PLEKHA6: variants seen among roughly 807,000 people sequenced by gnomAD.
PLEKHA6 encodes the protein pleckstrin homology domain containing A6.
In PLEKHA6, 60 loss-of-function variants were observed where a neutral mutation model predicts 116.7. The observed-to-expected ratio is 0.51, with a 90% confidence interval of 0.42 to 0.64. The LOEUF is 0.64. Among genes scored for constraint, PLEKHA6 ranks in the 30% least tolerant of loss-of-function variants. The probability of loss-of-function intolerance (pLI) is 0.00; values close to 1 mark genes in which losing one functional copy is unlikely to be tolerated. For synonymous variants in PLEKHA6, 489 were observed against 556.1 expected, an observed-to-expected ratio of 0.88 and a Z score of 1.70; for missense variants, 1,338 against 1,422.7, an observed-to-expected ratio of 0.94 and a Z score of 0.96.
Position 204,257,613 on chromosome 1 carries a change from C to A in PLEKHA6, c.1264G>T (p.Val422Phe), listed in dbSNP as rs369971657. ...PASYGRQDATVWIPSPSRQPV... is the reference protein window; with the variant it reads ...PASYGRQDATFWIPSPSRQPV... ...TGCCGGGAGGGGCTTGGGATCCAGA[C>A]GGTGGCATCCTGCCGCCCGTAGCTG... Residue 422 changes from valine to phenylalanine, a missense_variant, in exon 9 of 23, where the codon GTC (valine) becomes TTC (phenylalanine). Around this residue, in one of 3 missense-constraint regions of PLEKHA6, gnomAD observed 1,136 missense variants for 1,163.6 expected, o/e 0.98. Coordinates refer to ENST00000272203, the MANE Select transcript of PLEKHA6 (RefSeq NM_014935.5). This position sits in a 1 kb window ranked among gnomAD's most constrained non-coding sequence, Gnocchi z 6.5. 3 of 1,609,210 alleles carry A rather than the reference C, an allele frequency of 1.9e-6. No individual in the cohort carries two copies. Among genetic ancestry groups the A allele is most frequent in the Non-Finnish European group, 2.5e-6 (3 of 1,178,244 alleles).
Position 204,228,451 on chromosome 1 carries a change from C to T in PLEKHA6, c.2886-223G>A, listed in dbSNP as rs1660686201. Among the ~76,000 whole-genome samples the T allele has an allele frequency of 6.6e-6, 1 of 152,090 alleles. No homozygotes were observed. Among genetic ancestry groups the T allele is most frequent in the Admixed American group, 6.5e-5 (1 of 15,278 alleles). The stretch of plus-strand genomic sequence containing the variant: ...AAATGAATTAAAAGGTTCAAGTGAG[C>T]ATTTAGGGCAGCCTTGAAGGGGAAA... On this transcript the variant is annotated intron_variant, in intron 20 of 22. Coordinates refer to ENST00000272203, the MANE Select transcript of PLEKHA6 (RefSeq NM_014935.5). The surrounding 1 kb of genome is among the most constrained non-coding windows in gnomAD (Gnocchi z 4.0).
chr1:204,361,801 CT>C (rs1673566134), upstream of PLEKHA6, among the ~76,000 whole-genome samples: 1 of 152,194 alleles, frequency 6.6e-6, no homozygotes, highest in African/African-American at 2.4e-5. Flanking sequence ...ATGAGGGGCT[CT>C]TGGGGGTCTC....
intron 8 of PLEKHA6, among the ~76,000 whole-genome samples, chr1:204,258,303 C>T (rs1391341349): frequency 2.6e-5 from 4 of 152,164 alleles, no homozygotes; most frequent in Non-Finnish European, 4.4e-5. Context: ...TCCATTCTGT[C>T]ACCAGCCTGG....
intron 7 of PLEKHA6, among the ~76,000 whole-genome samples, chr1:204,260,302 A>T (rs1362369665): frequency 6.6e-6 from 1 of 152,186 alleles, no homozygotes; most frequent in Non-Finnish European, 1.5e-5. Flanking sequence ...CATGGCGGGC[A>T]CCAGGAGCAG....
intron 9 of PLEKHA6, among the ~76,000 whole-genome samples, chr1:204,255,092 T>C (rs1018198985): frequency 6.6e-6 from 1 of 152,208 alleles, no homozygotes; most frequent in Middle Eastern, 3.2e-3. Flanking sequence ...ACGAGCTGTT[T>C]ATGCAAAAGG....
intron 1 of PLEKHA6, chr1:204,280,225 G>T: frequency 1.3e-6 from 1 of 777,390 alleles, no homozygotes. Context: ...AGATAACTCT[G>T]CATTGCTTCA....
At chr1:204,300,155 T>A (rs527745865) in intron 1 of PLEKHA6, among the ~76,000 whole-genome samples, 27 of 152,296 alleles carry the variant, frequency 1.8e-4, no homozygotes, top group African/African-American at 6.5e-4. Context: ...CAGATTGAAT[T>A]AGTGCTTCCT....
At chr1:204,367,819 T>C (rs977973342) in exon 3 of PLEKHA6, 10 of 152,208 alleles carry the variant, frequency 6.6e-5, no homozygotes, top group African/African-American at 2.4e-4. Context: ...ACACAGCTCC[T>C]TCCTGGGTGG....
chr1:204,362,464 G>T (rs996014219), upstream of PLEKHA6, among the ~76,000 whole-genome samples: 2 of 152,016 alleles, frequency 1.3e-5, no homozygotes, highest in East Asian at 3.9e-4. Context: ...CACCTTTCTG[G>T]TGCCATCCCC....
At chr1:204,305,592 T>G (rs935338535) in intron 1 of PLEKHA6, among the ~76,000 whole-genome samples, 1 of 151,894 alleles carries the variant, frequency 6.6e-6, no homozygotes, top group African/African-American at 2.4e-5. Context: ...AGAATGGGAG[T>G]GTGGGTATGA....
At chr1:204,236,624 G>T (rs1429314683) in intron 17 of PLEKHA6, among the ~76,000 whole-genome samples, 2 of 152,166 alleles carry the variant, frequency 1.3e-5, no homozygotes, top group East Asian at 3.8e-4. Context: ...TCAAAGGCAA[G>T]GTGGGTGTAG....
At chr1:204,273,603 C>A (rs35803438) in intron 3 of PLEKHA6, 23 bp downstream of exon 3, 265,828 of 1,521,158 alleles carry the variant, frequency 0.17, 24,272 homozygotes, top group East Asian at 0.26. Context: ...AGCCCAACAG[C>A]TTGCCTTGAG....
intron 1 of PLEKHA6, among the ~76,000 whole-genome samples, chr1:204,321,504 TG>T (rs1231377251): frequency 1.3e-5 from 2 of 151,354 alleles, no homozygotes; most frequent in Non-Finnish European, 2.9e-5. Context: ...CCGGCGCCCA[TG>T]CTTCCTCCTG....
chr1:204,260,568 A>G (rs142437610), intron 7 of PLEKHA6, among the ~76,000 whole-genome samples: 1 of 152,278 alleles, frequency 6.6e-6, no homozygotes, highest in East Asian at 1.9e-4. Flanking sequence ...ATTTGTGACA[A>G]TTTTCCCCCT....
upstream of PLEKHA6, among the ~76,000 whole-genome samples, chr1:204,360,652 G>C (rs1343621400): frequency 6.6e-6 from 1 of 151,934 alleles, no homozygotes; most frequent in East Asian, 1.9e-4. Flanking sequence ...GGAGTCGAGA[G>C]GCTTAATTTT....
At chr1:204,305,072 G>A (rs1409745155) in intron 1 of PLEKHA6, among the ~76,000 whole-genome samples, 2 of 152,052 alleles carry the variant, frequency 1.3e-5, no homozygotes, top group African/African-American at 4.8e-5. Context: ...AATTACCTGA[G>A]GAAAAAAAGT....
intron 1 of PLEKHA6, among the ~76,000 whole-genome samples, chr1:204,318,678 T>A (rs1042070530): frequency 6.6e-6 from 1 of 152,238 alleles, no homozygotes; most frequent in Non-Finnish European, 1.5e-5. Context: ...CAGAGCTTTC[T>A]ACTACAATAG....
intron 1 of PLEKHA6, chr1:204,301,122 G>T: frequency 2.9e-6 from 1 of 339,034 alleles, no homozygotes; most frequent in South Asian, 1.2e-4. Context: ...TAAACAATGT[G>T]TACCACTTTA....
At position 204,241,487 on chromosome 1, in the gene PLEKHA6, GA is replaced by G; in HGVS notation, c.2303-7del. 5 of 1,582,846 alleles carry G rather than the reference GA, an allele frequency of 3.2e-6. No individual in the cohort carries two copies. The highest frequency in any genetic ancestry group is 4.3e-6 in the Non-Finnish European group (5 of 1,162,116). The stretch of plus-strand genomic sequence containing the variant: ...CCGAGGGGGCACAACGCCAACTGCA[GA>G]AAGACAGAGTAGCCAGTGGGCCTCA... On this transcript the variant is annotated splice_polypyrimidine_tract_variant and splice_region_variant and intron_variant, in intron 16 of 22. Transcript: ENST00000272203.
Sources: gnomAD v4.1 joint callset for allele counts (sites outside exome capture counted in the v4.1 genomes callset) on GRCh38, gnomAD v4.1.1 for gene constraint, gnomAD v4.1.1 regional missense constraint, Gnocchi (gnomAD v3.1) non-coding constraint, MANE v1.5 for transcripts, NCBI Gene and HGNC (gene_info 2026-07-23, HGNC 2026-07-21) for gene names.